HDAC9: variants seen among roughly 807,000 people sequenced by gnomAD.
HDAC9 encodes MEF-2 interacting transcription repressor (MITR) protein.
Under a neutral mutation model 139.4 loss-of-function variants are expected in HDAC9, and 41 were observed. That is an observed-to-expected ratio of 0.29 (90% CI 0.23 to 0.38). The LOEUF (loss-of-function observed/expected upper bound fraction) is 0.38, where lower values mean the gene tolerates loss of function less well. HDAC9 is among the 10% of genes least tolerant of loss of function. The pLI, the probability that HDAC9 is intolerant of heterozygous loss-of-function variation, is 1.00. For synonymous variants in HDAC9, 517 were observed against 476.2 expected (o/e 1.09, Z -1.12); for missense variants, 1,147 against 1,297.0 (o/e 0.88, Z 1.78).
upstream of HDAC9, among the ~76,000 whole-genome samples, chr7:18,493,272 G>C (rs1796497690): frequency 6.6e-6 from 1 of 151,752 alleles, no homozygotes; most frequent in Non-Finnish European, 1.5e-5. Flanking sequence ...TATCTCTTTT[G>C]TATATTCATC....
chr7:18,226,361 A>T (rs1427034196), intron 2 of HDAC9, among the ~76,000 whole-genome samples: 2 of 152,174 alleles, frequency 1.3e-5, no homozygotes, highest in Non-Finnish European at 1.5e-5. Context: ...CCCCTGTGAG[A>T]CATACAGCAC....
chr7:18,359,129 G>C (rs1783568102), intron 1 of HDAC9, among the ~76,000 whole-genome samples: 3 of 152,176 alleles, frequency 2.0e-5, no homozygotes, highest in African/African-American at 7.2e-5. Context: ...GCTGAGACAG[G>C]CAGATTACAT....
chr7:18,890,071 T>G (rs1348402486), intron 22 of HDAC9, among the ~76,000 whole-genome samples: 1 of 152,208 alleles, frequency 6.6e-6, no homozygotes, highest in African/African-American at 2.4e-5. Flanking sequence ...TTTCCTCATA[T>G]GCAAATAGGA....
intron 2 of HDAC9, among the ~76,000 whole-genome samples, chr7:18,169,390 G>A (rs568623946): frequency 4.0e-5 from 6 of 151,884 alleles, no homozygotes; most frequent in South Asian, 2.1e-4. Flanking sequence ...AGTTTCCAGC[G>A]GGTGAGGCAT....
chr7:18,108,842 G>T (rs1783412752), intron 1 of HDAC9, among the ~76,000 whole-genome samples: 1 of 151,886 alleles, frequency 6.6e-6, no homozygotes, highest in Non-Finnish European at 1.5e-5. Context: ...GGTTGGTCTC[G>T]AACTCCTGAC....
chr7:18,524,372 T>C (rs1165121407), intron 2 of HDAC9, among the ~76,000 whole-genome samples: 1 of 152,170 alleles, frequency 6.6e-6, no homozygotes, highest in African/African-American at 2.4e-5. Context: ...GGTTATTGCT[T>C]TTTCTCATTT....
intron 16 of HDAC9, among the ~76,000 whole-genome samples, chr7:18,769,590 A>G (rs113293860): frequency 7.2e-5 from 11 of 152,090 alleles, no homozygotes; most frequent in African/African-American, 2.4e-4. Context: ...GCACTTGCTG[A>G]TGCTCTTGTG....
In HDAC9 at chr7:18,526,807, G is replaced by T. The variant is rs112001278; in HGVS notation, c.22+30483G>T. Among the ~76,000 whole-genome samples, 1,191 of 152,200 alleles carry T rather than the reference G, an allele frequency of 7.8e-3. 16 individuals are homozygous for T. Among genetic ancestry groups the T allele is most frequent in the African/African-American group, 0.027 (1,129 of 41,528 alleles). Reference sequence around the variant, plus strand: ...CCTGAAGTACAGCCTGAGAGAAAAGGATAGATAGGGTCAGATAGGAGCATG... The same window carrying T: ...CCTGAAGTACAGCCTGAGAGAAAAGTATAGATAGGGTCAGATAGGAGCATG... On this transcript the variant is annotated intron_variant, in intron 2 of 25. Coordinates refer to ENST00000686413, the MANE Select transcript of HDAC9 (RefSeq NM_178425.4).
chr7:18,249,502 C>CAAAAAAAAAA (rs3058733), intron 2 of HDAC9, among the ~76,000 whole-genome samples: 3 of 58,586 alleles, frequency 5.1e-5, no homozygotes, highest in African/African-American at 1.4e-4. Context: ...GACTCTGTCT[C>CAAAAAAAAAA]AAAAAAAAAA....
At chr7:18,857,363 G>A (rs911776886) in intron 21 of HDAC9, among the ~76,000 whole-genome samples, 19 of 150,980 alleles carry the variant, frequency 1.3e-4, no homozygotes, top group Admixed American at 5.3e-4. Context: ...GTGTGTGTGT[G>A]TATGTATGTA....
chr7:18,699,377 C>CGTGTACGTGTGTTTGTGTGTGT (rs1783292893), intron 12 of HDAC9, among the ~76,000 whole-genome samples: 1 of 151,120 alleles, frequency 6.6e-6, no homozygotes, highest in African/African-American at 2.4e-5. Context: ...TGTGTGTGTG[C>CGTGTACGTGTGTTTGTGTGTGT]GTGTACGTGT....
intron 2 of HDAC9, among the ~76,000 whole-genome samples, chr7:18,166,436 G>A (rs946902944): frequency 6.6e-6 from 1 of 152,022 alleles, no homozygotes; most frequent in African/African-American, 2.4e-5. Flanking sequence ...GCAAGTCTTG[G>A]GCAAAAATTA....
Position 19,000,359 on chromosome 7 carries a change from A to C in HDAC9, c.*4297A>C, listed in dbSNP as rs1786691727. On this transcript the variant is annotated 3_prime_UTR_variant, in exon 26 of 26. Transcript: ENST00000686413. ...TGGGCATATTTGCATCAAAAATCAC[A>C]GTCCTTGCCTCCTTGCTTGCTTTTA... is the stretch of plus-strand genomic sequence containing the variant. 1 of 152,346 alleles carries C rather than the reference A, an allele frequency of 6.6e-6. No individual in the cohort carries two copies. The highest frequency in any genetic ancestry group is 6.5e-5 in the Admixed American group (1 of 15,308). The allele number at this position is 152,346 out of a possible 1,614,324, so 9.4% of individuals were successfully genotyped here. A position where few individuals can be genotyped will look rare whatever the true frequency, so the allele number is the denominator to read the frequency against.
chr7:18,736,958 C>T (rs756982840), intron 13 of HDAC9, among the ~76,000 whole-genome samples: 5 of 152,096 alleles, frequency 3.3e-5, no homozygotes, highest in African/African-American at 4.8e-5. Flanking sequence ...CGGCTTTAGT[C>T]TTGAGAAGGT....
At chr7:18,198,649 T>C (rs1461083649) in intron 2 of HDAC9, among the ~76,000 whole-genome samples, 2 of 152,318 alleles carry the variant, frequency 1.3e-5, no homozygotes, top group Admixed American at 1.3e-4. Flanking sequence ...ATTTGATCAA[T>C]ATGTGATGGT....
At chr7:18,859,234 G>A (rs1038913066) in intron 21 of HDAC9, among the ~76,000 whole-genome samples, 1 of 152,136 alleles carries the variant, frequency 6.6e-6, no homozygotes, top group African/African-American at 2.4e-5. Flanking sequence ...CTAGTACATT[G>A]TCAAAATGGT....
chr7:18,618,332 T>C (rs533483707), intron 6 of HDAC9, among the ~76,000 whole-genome samples: 1 of 152,260 alleles, frequency 6.6e-6, no homozygotes, highest in South Asian at 2.1e-4. Flanking sequence ...GAGTCAAGAC[T>C]GGAAAACAAC....
intron 2 of HDAC9, among the ~76,000 whole-genome samples, chr7:18,579,971 C>T (rs1322824331): frequency 1.3e-5 from 2 of 152,114 alleles, no homozygotes; most frequent in African/African-American, 4.8e-5. Flanking sequence ...CTTAAGGCAG[C>T]TGATAAAGTA....
At chr7:18,376,507 T>G (rs886378340) in intron 1 of HDAC9, among the ~76,000 whole-genome samples, 1 of 152,224 alleles carries the variant, frequency 6.6e-6, no homozygotes, top group Non-Finnish European at 1.5e-5. Context: ...ATATTTCCAT[T>G]TTAATGTTAA....
Sources: allele counts gnomAD v4.1 joint callset (sites outside exome capture counted in the v4.1 genomes callset), GRCh38; gene constraint gnomAD v4.1.1; transcripts MANE v1.5; gene names NCBI Gene and HGNC (gene_info 2026-07-23, HGNC 2026-07-21).